Variants in DEFB134 observed in about 807,000 individuals in gnomAD.
DEFB134 encodes the protein beta-defensin 134.
A neutral mutation model predicts 7.4 loss-of-function variants in DEFB134; 7 were observed. That is an observed-to-expected ratio of 0.95 (90% CI 0.54 to 1.79). The LOEUF is 1.79. Among genes scored for constraint, DEFB134 ranks in the 40% most tolerant of loss-of-function variants. The pLI, the probability that DEFB134 is intolerant of heterozygous loss-of-function variation, is 0.00. For synonymous variants in DEFB134, 33 were observed against 25.0 expected (o/e 1.32, Z -0.96); for missense variants, 105 against 74.8 (o/e 1.40, Z -1.49).
At chr8:11,996,323 T>G (rs1156819265), upstream of DEFB134, 10 of 1,558,748 alleles carry the variant, frequency 6.4e-6, no homozygotes, top group Non-Finnish European at 8.8e-6. Context: ...AGAGAAGAGG[T>G]TGAGCACACA....
At chr8:12,000,278 T>C (rs375194965), upstream of DEFB134, among the ~76,000 whole-genome samples, 13 of 152,328 alleles carry the variant, frequency 8.5e-5, no homozygotes, top group East Asian at 2.3e-3. Flanking sequence ...ATATCAATTA[T>C]TTGTGTCTCT....
rs749658490 is a variant in DEFB134 at position 11,994,114 on chromosome 8, A to T, written c.67T>A (p.Ser23Thr). The T allele has an allele frequency of 5.0e-6, 8 of 1,610,674 alleles. No individual in the cohort carries two copies. The South Asian group carries it at 8.9e-5, about 18-fold the overall frequency. Residue 23 changes from serine (S) to threonine (T), a missense_variant, in exon 2 of 2, where the codon TCA becomes ACA. Coordinates refer to ENST00000526438, the Ensembl canonical transcript of DEFB134. ...TTCTTGTGCATTTCTGATGATAATG[A>T]ATTTATACCTGGAAGGAAAATGAAT...
chr8:11,994,056 C>A, exon 2 of DEFB134: 1 of 1,613,928 alleles, frequency 6.2e-7, no homozygotes, highest in Non-Finnish European at 8.5e-7. Flanking sequence ...ACTCTCATAG[C>A]ATTCAAGTCT....
intron 1 of DEFB134, among the ~76,000 whole-genome samples, chr8:11,994,932 A>G (rs1800078091): frequency 6.6e-6 from 1 of 152,198 alleles, no homozygotes; most frequent in African/African-American, 2.4e-5. Context: ...AGTTTGAAGG[A>G]GGATGAAATC....
exon 2 of DEFB134, chr8:11,994,067 G>A: frequency 6.2e-7 from 1 of 1,613,768 alleles, no homozygotes; most frequent in Non-Finnish European, 8.5e-7. Flanking sequence ...ATTCAAGTCT[G>A]CAGATGCCAT....
chr8:11,994,067 G>C, exon 2 of DEFB134: 1 of 1,613,768 alleles, frequency 6.2e-7, no homozygotes, highest in Non-Finnish European at 8.5e-7. Flanking sequence ...ATTCAAGTCT[G>C]CAGATGCCAT....
At chr8:11,997,365 G>A (rs1800153651), upstream of DEFB134, among the ~76,000 whole-genome samples, 1 of 152,130 alleles carries the variant, frequency 6.6e-6, no homozygotes, top group Admixed American at 6.5e-5. Context: ...TGAAAATAAA[G>A]CTGCTATGGA....
chr8:11,997,297 T>C (rs2150560529), upstream of DEFB134, among the ~76,000 whole-genome samples: 1 of 152,388 alleles, frequency 6.6e-6, no homozygotes, highest in East Asian at 1.9e-4. Context: ...GCTATACATC[T>C]ATGTGTTTAT....
At chr8:11,995,430 G>T (rs1306688911) in intron 1 of DEFB134, among the ~76,000 whole-genome samples, 1 of 152,192 alleles carries the variant, frequency 6.6e-6, no homozygotes, top group African/African-American at 2.4e-5. Context: ...AATCTGACTG[G>T]ACTGATTCAG....
upstream of DEFB134, chr8:11,999,040 T>TA (rs1183501495): frequency 3.3e-5 from 5 of 153,262 alleles, no homozygotes; most frequent in African/African-American, 1.2e-4. Flanking sequence ...GAATCAGTAG[T>TA]AAAAAACCTA....
At chr8:11,998,057 G>C (rs1046401426), upstream of DEFB134, among the ~76,000 whole-genome samples, 1 of 152,138 alleles carries the variant, frequency 6.6e-6, no homozygotes, top group Non-Finnish European at 1.5e-5. Flanking sequence ...TCAATACCAA[G>C]AAGATCTCTC....
At chr8:11,996,015 T>C (rs774753918) in intron 1 of DEFB134, among the ~76,000 whole-genome samples, 179 bp downstream of exon 2, 4 of 151,126 alleles carry the variant, frequency 2.6e-5, no homozygotes, top group African/African-American at 9.8e-5. Flanking sequence ...CAAAGTTATA[T>C]AGTTAACAAG....
chr8:11,994,204 A>G (rs1585091355), intron 1 of DEFB134, 82 bp from the exon 3 acceptor site: 1 of 1,455,398 alleles, frequency 6.9e-7, no homozygotes, highest in Admixed American at 2.1e-5. Context: ...TTTTTATCCA[A>G]CCGGATACCA....
At position 11,994,175 on chromosome 8, in the gene DEFB134, A is replaced by G. The variant is rs1318515863; in HGVS notation, c.59-53T>C. ...TTCACTACAGGCCTTTTTGGACCAT[A>G]AAATTGCTAGTCCCTCAATTTTTAT... On this transcript the variant is annotated intron_variant, in intron 1 of 1. Coordinates refer to ENST00000526438, the Ensembl canonical transcript of DEFB134. 2.6e-6 allele frequency: 4 copies of G among 1,551,690 alleles called. No homozygotes were observed. The Admixed American group carries it at 7.9e-5, about 30-fold the overall frequency.
exon 2 of DEFB134, chr8:11,993,993 T>C (rs1800048149): frequency 6.2e-7 from 1 of 1,613,114 alleles, no homozygotes. Context: ...GGGTGCAGGA[T>C]TTCCTTTGAC....
chr8:11,996,138 G>T, intron 1 of DEFB134, 56 bp downstream of exon 2: 2 of 1,597,740 alleles, frequency 1.3e-6, no homozygotes, highest in Non-Finnish European at 1.7e-6. Flanking sequence ...GGGTTGTTTA[G>T]TGGCATTGTT....
chr8:11,995,815 GCTCTCATGA>G (rs1329808655), intron 1 of DEFB134, among the ~76,000 whole-genome samples: 6 of 152,108 alleles, frequency 3.9e-5, no homozygotes, highest in African/African-American at 1.4e-4. Flanking sequence ...TACAATGATA[GCTCTCATGA>G]GCCAGGTACT....
intron 1 of DEFB134, among the ~76,000 whole-genome samples, chr8:11,995,723 T>A (rs564345125): frequency 2.0e-4 from 30 of 152,344 alleles, no homozygotes; most frequent in African/African-American, 7.2e-4. Context: ...TATTTTCTGG[T>A]TTTGACTATT....
At chr8:11,996,345 AC>A, upstream of DEFB134, 2 of 1,396,890 alleles carry the variant, frequency 1.4e-6, no homozygotes, top group South Asian at 2.4e-5. Context: ...TCCTATACAA[AC>A]CTCTCAGGGC....
Sources: gnomAD v4.1 joint callset for allele counts (sites outside exome capture counted in the v4.1 genomes callset) on GRCh38, gnomAD v4.1.1 for gene constraint, MANE v1.5 for transcripts, NCBI Gene and HGNC (gene_info 2026-07-23, HGNC 2026-07-21) for gene names.